Variants in KCNIP4 observed in about 807,000 individuals in gnomAD.
KCNIP4 encodes potassium voltage-gated channel interacting protein 4, also known as Kv channel-interacting protein 4.
Under a neutral mutation model 34.0 loss-of-function variants are expected in KCNIP4, and 12 were observed. The observed-to-expected ratio is 0.35, with a 90% CI of 0.23 to 0.57. The LOEUF is 0.57. KCNIP4 is among the 20% of genes least tolerant of loss of function. The probability of loss-of-function intolerance (pLI) is 0.83; values close to 1 mark genes in which losing one functional copy is unlikely to be tolerated. For synonymous variants in KCNIP4, 124 were observed against 102.2 expected (o/e 1.21, Z -1.29); for missense variants, 238 against 311.7 (o/e 0.76, Z 1.78).
At chr4:21,482,440 T>C (rs1323794777) in intron 1 of KCNIP4, among the ~76,000 whole-genome samples, 1 of 152,216 alleles carries the variant, frequency 6.6e-6, no homozygotes. Flanking sequence ...GTTTTTGCAG[T>C]GCCTGGTACC....
At chr4:21,060,418 A>G (rs28503566) in intron 1 of KCNIP4, among the ~76,000 whole-genome samples, 77,355 of 152,030 alleles carry the variant, frequency 0.51, 21,356 homozygotes, top group African/African-American at 0.74. Context: ...GAGAAACTGT[A>G]GGCATCAGAC....
rs1427813075 is a variant in KCNIP4 at position 21,928,737 on chromosome 4, A to AT, written c.61+19833dup. On this transcript the variant is annotated intron_variant, in intron 1 of 8. Coordinates refer to ENST00000382152, the MANE Select transcript of KCNIP4 (RefSeq NM_025221.6). Reference sequence around the variant, plus strand: ...TCCATGACACACTTCTCAAATCCTAATCCCCCTTCTCTGAAAATGATGCTT... The same window carrying AT: ...TCCATGACACACTTCTCAAATCCTAATTCCCCCTTCTCTGAAAATGATGCTT... 2.0e-5 allele frequency among the ~76,000 whole-genome samples: 3 copies of AT among 152,038 alleles called. No individual in the cohort carries two copies. The East Asian group carries it at 5.8e-4, about 29-fold the overall frequency.
At position 21,374,336 on chromosome 4, in the gene KCNIP4, T is replaced by G. The variant is rs1379411849; in HGVS notation, c.62-491627A>C. Among the ~76,000 whole-genome samples, 2 of 147,068 alleles carry G rather than the reference T, an allele frequency of 1.4e-5. 1 individual carries two copies. Among genetic ancestry groups the G allele is most frequent in the African/African-American group, 5.4e-5 (2 of 36,780 alleles). On this transcript the variant is annotated intron_variant, in intron 1 of 8. Transcript: ENST00000382152. ...TGAAAGGCAAAAGGCACAACTTACA[T>G]GGCAGCAGGCAAGAGAGAGAATGAG...
rs889805745 is a variant in KCNIP4 at position 21,079,435 on chromosome 4, A to C, written c.62-196726T>G. ...AGAGATATTCATTTATTGAACTCCT[A>C]TTTGGCTGGTAATTTGCTCAGTGTG... On this transcript the variant is annotated intron_variant, in intron 1 of 8. Transcript: ENST00000382152. 2.6e-5 allele frequency among the ~76,000 whole-genome samples: 4 copies of C among 152,076 alleles called. No homozygotes were observed. The Admixed American group carries it at 2.6e-4, about 10-fold the overall frequency.
chr4:21,645,388 A>C (rs1476056810), intron 1 of KCNIP4, among the ~76,000 whole-genome samples: 2 of 152,156 alleles, frequency 1.3e-5, no homozygotes, highest in African/African-American at 4.8e-5. Flanking sequence ...TTCCTTAATA[A>C]ATATACATTG....
chr4:21,739,202 C>T lies in KCNIP4; in HGVS notation c.61+209369G>A, dbSNP rs1716235003. The stretch of plus-strand genomic sequence containing the variant: ...TTTGTTTTCTAAACTGAGGAAAGAG[C>T]TTTCCTGTAATATTTTAATAGTTAT... On this transcript the variant is annotated intron_variant, in intron 1 of 8. Transcript: ENST00000382152. Among the ~76,000 whole-genome samples, 4 of 152,042 alleles carry T rather than the reference C, an allele frequency of 2.6e-5. No individual in the cohort carries two copies. In the South Asian group the frequency reaches 8.3e-4, roughly 32 times the overall value.
chr4:21,193,134 GTTGT>G (rs1755801965), intron 1 of KCNIP4, among the ~76,000 whole-genome samples: 1 of 151,304 alleles, frequency 6.6e-6, no homozygotes, highest in Non-Finnish European at 1.5e-5. Context: ...AAAAAGTCTG[GTTGT>G]TTGTTTTAGA....
At chr4:21,350,183 C>T (rs1157228013) in intron 1 of KCNIP4, among the ~76,000 whole-genome samples, 6 of 151,816 alleles carry the variant, frequency 4.0e-5, no homozygotes, top group African/African-American at 1.5e-4. Context: ...ATGAACATAC[C>T]AGGTTATCAC....
At chr4:20,951,205 T>C (rs887842901) in intron 1 of KCNIP4, among the ~76,000 whole-genome samples, 1 of 152,034 alleles carries the variant, frequency 6.6e-6, no homozygotes, top group Non-Finnish European at 1.5e-5. Context: ...CCATCAGCCA[T>C]CCAGGAAGAG....
intron 1 of KCNIP4, among the ~76,000 whole-genome samples, chr4:21,059,552 T>G (rs1012879785): frequency 6.6e-6 from 1 of 151,506 alleles, no homozygotes; most frequent in Admixed American, 6.6e-5. Context: ...AAGGAGAGAG[T>G]TGGGGACCTA....
intron 1 of KCNIP4, among the ~76,000 whole-genome samples, chr4:21,416,715 A>G (rs998981279): frequency 1.7e-4 from 26 of 152,242 alleles, no homozygotes; most frequent in African/African-American, 6.0e-4. Flanking sequence ...TCAAATGCAG[A>G]AGCAAAAGAG....
At chr4:21,498,024 C>T (rs1351985013) in intron 1 of KCNIP4, among the ~76,000 whole-genome samples, 1 of 152,036 alleles carries the variant, frequency 6.6e-6, no homozygotes, top group Non-Finnish European at 1.5e-5. Context: ...AATTGCCATA[C>T]TCCTTCAGAA....
At chr4:20,851,472 T>A (rs558701843) in intron 2 of KCNIP4, among the ~76,000 whole-genome samples, 1 of 152,328 alleles carries the variant, frequency 6.6e-6, no homozygotes, top group African/African-American at 2.4e-5. Flanking sequence ...TTTCCTATTG[T>A]GAATAGTGCT....
chr4:21,118,771 T>G (rs535192424), intron 1 of KCNIP4, among the ~76,000 whole-genome samples: 1 of 151,948 alleles, frequency 6.6e-6, no homozygotes, highest in East Asian at 2.0e-4. Context: ...CCCCTTAAGA[T>G]GTGTGTAGGA....
intron 1 of KCNIP4, among the ~76,000 whole-genome samples, chr4:21,766,962 A>G (rs1035187464): frequency 6.6e-6 from 1 of 152,164 alleles, no homozygotes; most frequent in Non-Finnish European, 1.5e-5. Flanking sequence ...CTAGTGAAAG[A>G]AACAGAAAAT....
Position 21,461,296 on chromosome 4 carries a change from A to C in KCNIP4, c.61+487275T>G, listed in dbSNP as rs545246974. Among the ~76,000 whole-genome samples the C allele has an allele frequency of 1.0e-3, 152 of 152,092 alleles. 1 individual carries two copies. Among genetic ancestry groups the C allele is most frequent in the African/African-American group, 3.5e-3 (146 of 41,486 alleles). On this transcript the variant is annotated intron_variant, in intron 1 of 8. Coordinates refer to ENST00000382152, the MANE Select transcript of KCNIP4 (RefSeq NM_025221.6). ...TTCTGCCATGATTGTAAGTTTCCTG[A>C]GGCCTCCCCAGCCATGCAAACTGTG...
chr4:21,147,956 A>AAAAAAAAAAAAAAAAAAAAAAAAAAAAAG (rs1553945843), intron 1 of KCNIP4, among the ~76,000 whole-genome samples: 18 of 128,402 alleles, frequency 1.4e-4, no homozygotes, highest in African/African-American at 3.7e-4. Context: ...AAAAAAAAAA[A>AAAAAAAAAAAAAAAAAAAAAAAAAAAAAG]AAAAGAAAAA....
At chr4:21,125,636 A>G (rs184971911) in intron 1 of KCNIP4, among the ~76,000 whole-genome samples, 1 of 152,208 alleles carries the variant, frequency 6.6e-6, no homozygotes, top group Admixed American at 6.5e-5. Flanking sequence ...CACGTTGGGA[A>G]CCAGTGCAAC....
chr4:21,299,408 T>C (rs1764029388), intron 1 of KCNIP4, among the ~76,000 whole-genome samples: 2 of 152,132 alleles, frequency 1.3e-5, no homozygotes, highest in Admixed American at 1.3e-4. Flanking sequence ...TAGGCATTAA[T>C]GTTCTTGAAA....
Sources: gnomAD v4.1 joint callset for allele counts (sites outside exome capture counted in the v4.1 genomes callset) on GRCh38, gnomAD v4.1.1 for gene constraint, MANE v1.5 for transcripts, NCBI Gene and HGNC (gene_info 2026-07-23, HGNC 2026-07-21) for gene names.